Variants in ARMC7 observed in about 807,000 individuals in gnomAD.
ARMC7 encodes armadillo repeat-containing protein 7.
Under a neutral mutation model 14.8 loss-of-function variants are expected in ARMC7, and 9 were observed. That is an observed-to-expected ratio of 0.61 (90% CI 0.37 to 1.06). The LOEUF (loss-of-function observed/expected upper bound fraction) is 1.06, where lower values mean the gene tolerates loss of function less well. Among genes scored for constraint, ARMC7 ranks in the 50% least tolerant of loss-of-function variants. The pLI is 0.01. For missense variants in ARMC7, 262 were observed against 267.1 expected (o/e 0.98, Z 0.13); for synonymous variants, 125 against 123.4 (o/e 1.01, Z -0.09).
At chr17:75,124,817 G>C (rs897620221) in intron 2 of ARMC7, among the ~76,000 whole-genome samples, 4 of 151,986 alleles carry the variant, frequency 2.6e-5, no homozygotes, top group South Asian at 2.1e-4. Flanking sequence ...TGGAAATGGG[G>C]GTGATGTTAG....
At chr17:75,116,349 C>G (rs772030506) in intron 2 of ARMC7, among the ~76,000 whole-genome samples, 1 of 152,172 alleles carries the variant, frequency 6.6e-6, no homozygotes, top group African/African-American at 2.4e-5. Flanking sequence ...AGACCTAGGC[C>G]GGGCATGGTG....
At chr17:75,126,997 G>A (rs2074056420) in intron 2 of ARMC7, among the ~76,000 whole-genome samples, 1 of 150,648 alleles carries the variant, frequency 6.6e-6, no homozygotes, top group South Asian at 2.1e-4. Context: ...GGGAGGCGGA[G>A]GTTGCAATGA....
Position 75,128,998 on chromosome 17 carries a change from G to A in ARMC7, c.557G>A (p.Gly186Asp). 6.2e-7 allele frequency: 1 copy of A among 1,600,216 alleles called. No individual in the cohort carries two copies. The highest frequency in any genetic ancestry group is 1.3e-5 in the African/African-American group (1 of 75,042). Reference protein sequence around the residue: ...ARSRQAHSALGIPLPRSVAPR... With the variant: ...ARSRQAHSALDIPLPRSVAPR... ...AGCCGGCAGGCGCACTCTGCCCTGG[G>A]TATCCCACTGCCGAGGAGCGTGGCC... Residue 186 changes from glycine (G) to aspartate (D), a missense_variant, in exon 3 of 3, where the codon GGT becomes GAT. Physicochemically the swap from Gly to Asp is moderately conservative, Grantham distance 94. Transcript: ENST00000245543.
chr17:75,119,772 C>T (rs1031948409), intron 2 of ARMC7, among the ~76,000 whole-genome samples: 1 of 151,330 alleles, frequency 6.6e-6, no homozygotes, highest in Non-Finnish European at 1.5e-5. Context: ...GCTGTGAAGA[C>T]TTTGACCCTG....
At chr17:75,118,710 G>A (rs1299113002) in intron 2 of ARMC7, among the ~76,000 whole-genome samples, 8 of 152,186 alleles carry the variant, frequency 5.3e-5, no homozygotes, top group Non-Finnish European at 1.5e-5. Context: ...GCTCCTGTTT[G>A]GGTGCTGTTG....
chr17:75,116,774 C>G (rs981341665), intron 2 of ARMC7, among the ~76,000 whole-genome samples: 18 of 152,204 alleles, frequency 1.2e-4, no homozygotes, highest in Non-Finnish European at 5.9e-5. Flanking sequence ...CTCCAAATTG[C>G]TCATTTTATC....
At chr17:75,120,547 G>C (rs993868825) in intron 2 of ARMC7, among the ~76,000 whole-genome samples, 5 of 152,046 alleles carry the variant, frequency 3.3e-5, no homozygotes, top group African/African-American at 9.7e-5. Context: ...GGGCACGGTG[G>C]CTCAGGCCTG....
intron 2 of ARMC7, among the ~76,000 whole-genome samples, chr17:75,115,317 A>T (rs867334436): frequency 2.4e-4 from 36 of 152,194 alleles, no homozygotes; most frequent in African/African-American, 8.4e-4. Context: ...AGGGGGGTGG[A>T]TCACTTGAGG....
Position 75,129,845 on chromosome 17 carries a change from A to G in ARMC7, c.*807A>G, listed in dbSNP as rs944545298. The stretch of plus-strand genomic sequence containing the variant: ...TTCGGCCCTCCTCTGCTGTCACTCA[A>G]TGATGGGGAGCCCTACCCCAGAAGT... On this transcript the variant is annotated 3_prime_UTR_variant, in exon 3 of 3. Coordinates refer to ENST00000245543, the MANE Select transcript of ARMC7 (RefSeq NM_024585.4). 4 of 152,500 alleles carry G rather than the reference A, an allele frequency of 2.6e-5. No homozygotes were observed. The highest frequency in any genetic ancestry group is 9.7e-5 in the African/African-American group (4 of 41,436). 9.4% of individuals were successfully genotyped at this position (152,500 alleles called of 1,614,324 possible).
chr17:75,122,851 G>A (rs2074023022), intron 2 of ARMC7, among the ~76,000 whole-genome samples: 1 of 151,554 alleles, frequency 6.6e-6, no homozygotes, highest in Non-Finnish European at 1.5e-5. Context: ...TAAGTGTGAA[G>A]GAAAGAAGCA....
chr17:75,112,341 G>T (rs1053405943), intron 2 of ARMC7, among the ~76,000 whole-genome samples: 9 of 152,096 alleles, frequency 5.9e-5, no homozygotes, highest in Non-Finnish European at 1.0e-4. Context: ...ATACTCAAGA[G>T]GATCGCTTGA....
chr17:75,113,036 T>TATTTC lies in ARMC7; in HGVS notation c.235+2434_235+2435insCATTT, dbSNP rs1479627409. On this transcript the variant is annotated intron_variant, in intron 2 of 2. Transcript: ENST00000245543. The stretch of plus-strand genomic sequence containing the variant: ...TATTTTATTTTATTTTATTTTATTT[T>TATTTC]ATTTTTTGAGATGGAGTCTTGCTCT... Among the ~76,000 whole-genome samples the TATTTC allele has an allele frequency of 4.6e-5, 7 of 152,114 alleles. No individual in the cohort carries two copies. In the East Asian group the frequency reaches 1.3e-3, roughly 29 times the overall value.
chr17:75,123,660 G>A (rs988882574), intron 2 of ARMC7, among the ~76,000 whole-genome samples: 1 of 152,130 alleles, frequency 6.6e-6, no homozygotes, highest in African/African-American at 2.4e-5. Flanking sequence ...AATGGCTCAC[G>A]CCTTTCATCC....
chr17:75,114,947 C>T (rs912510709), intron 2 of ARMC7: 1 of 380,844 alleles, frequency 2.6e-6, no homozygotes, highest in Non-Finnish European at 4.7e-6. Context: ...GGCACTTATT[C>T]TGCTGTTTCT....
chr17:75,124,436 G>A (rs1331447722), intron 2 of ARMC7, among the ~76,000 whole-genome samples: 1 of 152,218 alleles, frequency 6.6e-6, no homozygotes, highest in East Asian at 1.9e-4. Flanking sequence ...AGGCGCACCT[G>A]GGTGTGGTGA....
chr17:75,120,117 G>T (rs556987046), intron 2 of ARMC7, among the ~76,000 whole-genome samples: 64 of 151,928 alleles, frequency 4.2e-4, no homozygotes, highest in African/African-American at 1.4e-3. Context: ...GTTGGCCAGG[G>T]TGGTCTTGAA....
chr17:75,115,736 A>G lies in ARMC7; in HGVS notation c.235+5130A>G, dbSNP rs187918139. ...AAGTATCTGCTTGTTGGCAGGCAGC[A>G]CAGTGAGTTGGATGAGAGCTGGGCC... is the stretch of plus-strand genomic sequence containing the variant. On this transcript the variant is annotated intron_variant, in intron 2 of 2. Coordinates refer to ENST00000245543, the MANE Select transcript of ARMC7 (RefSeq NM_024585.4). Among the ~76,000 whole-genome samples, 3 of 152,270 alleles carry G rather than the reference A, an allele frequency of 2.0e-5. No homozygotes were observed. In the East Asian group the frequency reaches 5.8e-4, roughly 29 times the overall value.
rs897392560 is a variant in ARMC7 at position 75,128,892 on chromosome 17, T to C, written c.451T>C (p.Ser151Pro). 4.3e-6 allele frequency: 7 copies of C among 1,611,180 alleles called. No homozygotes were observed. In the East Asian group the frequency reaches 1.6e-4, roughly 36 times the overall value. ...VVQCMLRFSLSASARLRNLAQ... is the reference protein window; with the variant it reads ...VVQCMLRFSLPASARLRNLAQ... ...GCAGTGCATGCTTCGCTTCTCCCTC[T>C]CGGCCAGCGCCAGGCTCCGGAACCT... The change falls in exon 3 of 3, where the codon TCG (serine) becomes CCG (proline). Residue 151 changes from serine to proline, a missense_variant. Ser to Pro is a moderately conservative substitution (Grantham distance 74, BLOSUM62 -1). Transcript: ENST00000245543.
In ARMC7 at chr17:75,110,227, C is replaced by CT; in HGVS notation, c.-59dup. The CT allele has an allele frequency of 1.4e-6, 2 of 1,478,022 alleles. No homozygotes were observed. The highest frequency in any genetic ancestry group is 2.6e-5 in the South Asian group (2 of 77,004). 91.6% of individuals were successfully genotyped at this position (1,478,022 alleles called of 1,614,324 possible). A position where few individuals can be genotyped will look rare whatever the true frequency, so the allele number is the denominator to read the frequency against. On this transcript the variant is annotated 5_prime_UTR_variant, in exon 1 of 3. Coordinates refer to ENST00000245543, the MANE Select transcript of ARMC7 (RefSeq NM_024585.4). ...GAGAGCGGGTGAGGGTCTCGCTCGG[C>CT]TTTCCCCCTGCACCTTTCCCACCCT...
Sources: allele counts gnomAD v4.1 joint callset (sites outside exome capture counted in the v4.1 genomes callset), GRCh38; gene constraint gnomAD v4.1.1; transcripts MANE v1.5; gene names NCBI Gene and HGNC (gene_info 2026-07-23, HGNC 2026-07-21).